ADCY5: variants seen among roughly 807,000 people sequenced by gnomAD.
The protein encoded by ADCY5 is adenylate cyclase type 5.
In ADCY5, 30 loss-of-function variants were observed where a neutral mutation model predicts 119.7. That is an observed-to-expected ratio of 0.25 (90% CI 0.19 to 0.34). The LOEUF (loss-of-function observed/expected upper bound fraction) is 0.34. ADCY5 is among the 10% of genes least tolerant of loss of function. ADCY5 has a pLI of 1.00. For missense variants in ADCY5, 1,324 were observed against 1,775.2 expected (o/e 0.75, Z 4.57); for synonymous variants, 753 against 762.2 (o/e 0.99, Z 0.20).
In ADCY5 at chr3:123,286,887, A is replaced by C; in HGVS notation, c.3533-78T>G. On this transcript the variant is annotated intron_variant, in intron 19 of 20. Coordinates refer to ENST00000462833, the MANE Select transcript of ADCY5 (RefSeq NM_183357.3). The surrounding 1 kb of genome is among the most constrained non-coding windows in gnomAD (Gnocchi z 4.2). The stretch of plus-strand genomic sequence containing the variant: ...CACCATCTGTCTCCCCACATGCTGC[A>C]GGTCCTTCTGACTCCCAACCTGAGA... The C allele has an allele frequency of 2.0e-6, 3 of 1,504,780 alleles. No individual in the cohort carries two copies. The highest frequency in any genetic ancestry group is 2.7e-6 in the Non-Finnish European group (3 of 1,131,584). The allele number at this position is 1,504,780 out of a possible 1,614,324, so 93.2% of individuals were successfully genotyped here.
At chr3:123,290,477 C>T (rs552295495) in intron 18 of ADCY5, among the ~76,000 whole-genome samples, 15 of 152,322 alleles carry the variant, frequency 9.8e-5, no homozygotes, top group Middle Eastern at 3.4e-3. Context: ...CCGGCGTGCC[C>T]GCTGGGGTGG....
chr3:123,388,977 A>G (rs1183232446), intron 1 of ADCY5, among the ~76,000 whole-genome samples: 1 of 152,128 alleles, frequency 6.6e-6, no homozygotes, highest in Non-Finnish European at 1.5e-5. Context: ...TAGCCTCTAC[A>G]GGAGGGACCT....
intron 1 of ADCY5, among the ~76,000 whole-genome samples, chr3:123,383,372 T>C (rs1460898753): frequency 6.6e-6 from 1 of 152,238 alleles, no homozygotes; most frequent in African/African-American, 2.4e-5. Flanking sequence ...AGTACGTCCC[T>C]GTGGCCGTGC....
Position 123,352,457 on chromosome 3 carries a change from T to A in ADCY5, c.1259A>T (p.His420Leu), listed in dbSNP as rs1373990821. 6.2e-7 allele frequency: 1 copy of A among 1,613,286 alleles called. No homozygotes were observed. The highest frequency in any genetic ancestry group is 8.5e-7 in the Non-Finnish European group (1 of 1,179,820). ...ETRECIQARL[H>L]SQRENQQQER... ...CTGCTGCTGGTTCTCCCGCTGCGAG[T>A]GGAGCCGCGCCTGGATGCACTCTCG... The change falls in exon 2 of 21, where the codon CAC becomes CTC. Residue 420 changes from histidine (H) to leucine (L), a missense_variant. Around this residue, in one of 6 missense-constraint regions of ADCY5, gnomAD observed 123 missense variants for 287.9 expected, o/e 0.43. Coordinates refer to ENST00000462833, the MANE Select transcript of ADCY5 (RefSeq NM_183357.3). The surrounding 1 kb of genome is among the most constrained non-coding windows in gnomAD (Gnocchi z 4.8).
At chr3:123,377,337 A>G (rs1156595758) in intron 1 of ADCY5, among the ~76,000 whole-genome samples, 1 of 151,996 alleles carries the variant, frequency 6.6e-6, no homozygotes, top group African/African-American at 2.4e-5. Context: ...CTCCATCCTA[A>G]CAGGGCTTCT....
rs568360867 is a variant in ADCY5 at position 123,295,109 on chromosome 3, G to C, written c.3063+975C>G. 5.3e-5 allele frequency among the ~76,000 whole-genome samples: 8 copies of C among 152,310 alleles called. No homozygotes were observed. The East Asian group carries it at 1.5e-3, about 29-fold the overall frequency. On this transcript the variant is annotated intron_variant, in intron 17 of 20. Coordinates refer to ENST00000462833, the MANE Select transcript of ADCY5 (RefSeq NM_183357.3). Reference sequence around the variant, plus strand: ...AGACCTCCGTGCTCAATTCCAGCCAGAACCCATGCAAAATACTCAGCAGAA... The same window carrying C: ...AGACCTCCGTGCTCAATTCCAGCCACAACCCATGCAAAATACTCAGCAGAA...
At chr3:123,332,534 C>A (rs201205139) in intron 4 of ADCY5, 30 bp downstream of exon 4, 19 of 1,557,708 alleles carry the variant, frequency 1.2e-5, no homozygotes, top group Non-Finnish European at 1.6e-5. Context: ...CAGGTCAGGC[C>A]ACCCCAACCC....
At chr3:123,320,708 C>T in intron 9 of ADCY5, 41 bp downstream of exon 9, 1 of 1,610,838 alleles carries the variant, frequency 6.2e-7, no homozygotes, top group Non-Finnish European at 8.5e-7. Context: ...AGATATCCCC[C>T]AGACCCAGGG....
intron 1 of ADCY5, among the ~76,000 whole-genome samples, chr3:123,389,955 G>A (rs1944354165): frequency 6.6e-6 from 1 of 152,204 alleles, no homozygotes; most frequent in Non-Finnish European, 1.5e-5. Flanking sequence ...AGAGTGGAGA[G>A]AGGAGAGGTA....
chr3:123,426,478 C>T (rs1218383000), intron 1 of ADCY5, among the ~76,000 whole-genome samples: 1 of 151,960 alleles, frequency 6.6e-6, no homozygotes, highest in African/African-American at 2.4e-5. Context: ...CGTGCGCCAC[C>T]AAGCCAGGCT....
In ADCY5 at chr3:123,439,033, C is replaced by T. The variant is rs140048955; in HGVS notation, c.1134+8379G>A. On this transcript the variant is annotated intron_variant, in intron 1 of 20. Transcript: ENST00000462833. ...CCCCAAAGTGCTGGGATTACAGGCA[C>T]GAGCCACTGTGCCTGGTCCCACTGT... Among the ~76,000 whole-genome samples, 671 of 147,010 alleles carry T rather than the reference C, an allele frequency of 4.6e-3. 2 individuals are homozygous for T. Among genetic ancestry groups the T allele is most frequent in the Middle Eastern group, 0.019 (5 of 270 alleles).
intron 1 of ADCY5, among the ~76,000 whole-genome samples, chr3:123,380,057 C>G (rs149111724): frequency 6.6e-6 from 1 of 152,132 alleles, no homozygotes; most frequent in Admixed American, 6.5e-5. Flanking sequence ...CTCCCAACAA[C>G]GGATGAGATT....
intron 1 of ADCY5, among the ~76,000 whole-genome samples, chr3:123,436,883 T>G (rs913126696): frequency 6.6e-5 from 10 of 152,174 alleles, no homozygotes; most frequent in African/African-American, 2.4e-4. Flanking sequence ...GCACTTCATA[T>G]GCATTTTCGT....
intron 3 of ADCY5, among the ~76,000 whole-genome samples, chr3:123,332,962 T>C (rs983305656): frequency 6.6e-6 from 1 of 151,560 alleles, no homozygotes; most frequent in African/African-American, 2.4e-5. Context: ...TCTCGCTATG[T>C]TGTCCAGGCA....
At chr3:123,441,622 C>T (rs2107653851) in intron 1 of ADCY5, among the ~76,000 whole-genome samples, 1 of 152,326 alleles carries the variant, frequency 6.6e-6, no homozygotes, top group South Asian at 2.1e-4. Context: ...CCAGCAATAA[C>T]ACCTTGCCCT....
At chr3:123,340,963 A>G (rs994448983) in intron 3 of ADCY5, among the ~76,000 whole-genome samples, 1 of 152,052 alleles carries the variant, frequency 6.6e-6, no homozygotes, top group African/African-American at 2.4e-5. Flanking sequence ...CGTCTCTACT[A>G]AAAATACAAA....
intron 17 of ADCY5, among the ~76,000 whole-genome samples, chr3:123,293,036 A>C (rs991628222): frequency 6.6e-6 from 1 of 152,084 alleles, no homozygotes; most frequent in Non-Finnish European, 1.5e-5. Flanking sequence ...ACCTCTGCAA[A>C]CTCCACCCCA....
intron 1 of ADCY5, among the ~76,000 whole-genome samples, chr3:123,403,174 G>T (rs986620447): frequency 6.6e-6 from 1 of 151,912 alleles, no homozygotes; most frequent in Admixed American, 6.6e-5. Context: ...GAGCTCAAGT[G>T]TTGGGGACCA....
intron 1 of ADCY5, among the ~76,000 whole-genome samples, chr3:123,379,152 GTTCAC>G (rs1324861091): frequency 6.6e-6 from 1 of 152,100 alleles, no homozygotes; most frequent in Non-Finnish European, 1.5e-5. Flanking sequence ...GGATGTGAAT[GTTCAC>G]TTTAATACAC....
Sources: gnomAD v4.1 joint callset for allele counts (sites outside exome capture counted in the v4.1 genomes callset) on GRCh38, gnomAD v4.1.1 for gene constraint, gnomAD v4.1.1 regional missense constraint, Gnocchi (gnomAD v3.1) non-coding constraint, MANE v1.5 for transcripts, NCBI Gene and HGNC (gene_info 2026-07-23, HGNC 2026-07-21) for gene names.